NLRC5: variants seen among roughly 807,000 people sequenced by gnomAD.
NLRC5 encodes NLR family CARD domain containing 5.
A neutral mutation model predicts 206.9 loss-of-function variants in NLRC5; 114 were observed. The observed-to-expected ratio is 0.55, with a 90% CI of 0.47 to 0.64. NLRC5 has a LOEUF of 0.64. Ranked by LOEUF, NLRC5 falls within the 30% of genes least tolerant of loss-of-function variation. The pLI is 0.00. For synonymous variants in NLRC5, 952 were observed against 962.8 expected, an observed-to-expected ratio of 0.99 and a Z score of 0.21; for missense variants, 2,008 against 2,305.5, an observed-to-expected ratio of 0.87 and a Z score of 2.64.
rs139249521 is a variant in NLRC5, at chr16:57,061,522, C to A, written c.4061C>A (p.Thr1354Lys). The change falls in exon 31 of 49, where the codon ACG becomes AAG. Residue 1354 changes from threonine to lysine, a missense_variant. By Grantham distance (78) the Thr-to-Lys change is moderately conservative. Transcript: ENST00000688547. ...ATGLSKSLQL[T>K]ELTLTQCCLG... Reference sequence around the variant, plus strand: ...GGCTTGAGCAAGTCCCTGCAGCTGACGGAGCTCACGTGAGTGACCCACCCA... The same window carrying A: ...GGCTTGAGCAAGTCCCTGCAGCTGAAGGAGCTCACGTGAGTGACCCACCCA... 10 of 1,609,798 alleles carry A rather than the reference C, an allele frequency of 6.2e-6. No individual in the cohort carries two copies. The African/African-American group carries it at 1.1e-4, about 17-fold the overall frequency.
At chr16:57,046,816 CT>C (rs2143986355) in intron 22 of NLRC5, among the ~76,000 whole-genome samples, 175 bp downstream of exon 22, 1 of 152,322 alleles carries the variant, frequency 6.6e-6, no homozygotes, top group African/African-American at 2.4e-5. Flanking sequence ...TTGGGGAGCT[CT>C]GGCCCCTGAC....
At chr16:57,073,228 T>G (rs2067988513) in intron 38 of NLRC5, among the ~76,000 whole-genome samples, 1 of 152,232 alleles carries the variant, frequency 6.6e-6, no homozygotes, top group South Asian at 2.1e-4. Context: ...TACCTCCTGC[T>G]GCCTTAGTTG....
chr16:57,057,873 T>C (rs1263629650), intron 27 of NLRC5, among the ~76,000 whole-genome samples, 192 bp from the exon 28 acceptor site: 1 of 151,874 alleles, frequency 6.6e-6, no homozygotes, highest in Non-Finnish European at 1.5e-5. Context: ...ATGGTGGTAA[T>C]ACTGGTGGTG....
intron 1 of NLRC5, among the ~76,000 whole-genome samples, chr16:56,996,142 T>C (rs2057576504): frequency 6.6e-6 from 1 of 152,118 alleles, no homozygotes; most frequent in African/African-American, 2.4e-5. Flanking sequence ...AACAGCATCA[T>C]AGTGTTTTTT....
At chr16:57,040,837 T>C in intron 17 of NLRC5, 119 bp downstream of exon 17, 1 of 949,896 alleles carries the variant, frequency 1.1e-6, no homozygotes, top group Non-Finnish European at 1.7e-6. Flanking sequence ...CCTGACCTGC[T>C]GTGTCCAGGG....
At chr16:57,037,025 T>A (rs1205747123) in intron 14 of NLRC5, among the ~76,000 whole-genome samples, 170 bp from the exon 15 acceptor site, 1 of 152,078 alleles carries the variant, frequency 6.6e-6, no homozygotes, top group Admixed American at 6.6e-5. Context: ...TGTCATGCAT[T>A]TTTTGGCTTA....
chr16:57,059,423 G>A, intron 29 of NLRC5, 44 bp from the exon 30 acceptor site: 1 of 1,573,266 alleles, frequency 6.4e-7, no homozygotes, highest in Non-Finnish European at 8.6e-7. Flanking sequence ...CTAGGAAGCT[G>A]GCATGTCTGG....
intron 3 of NLRC5, among the ~76,000 whole-genome samples, chr16:57,021,524 C>T: frequency 6.6e-6 from 1 of 152,140 alleles, no homozygotes; most frequent in Non-Finnish European, 1.5e-5. Flanking sequence ...GTGCATGCCA[C>T]CACATTAGGC....
chr16:57,079,468 T>C, intron 45 of NLRC5, 78 bp from the exon 46 acceptor site: 2 of 1,396,416 alleles, frequency 1.4e-6, no homozygotes, highest in Non-Finnish European at 2.0e-6. Flanking sequence ...CAGACCCTGG[T>C]GGCTCTGGAG....
Position 57,037,304 on chromosome 16 carries a change from ACGGTACCCATCCCCC to A in NLRC5, c.2801+22_2801+36del, listed in dbSNP as rs767273273. ...CATCAGGTGGGAGCTCCCTCAGACC[ACGGTACCCATCCCCC>A]CCCCCATCATGCTCTCTCTGAAGCC... On this transcript the variant is annotated intron_variant, in intron 15 of 48. Transcript: ENST00000688547. 4.4e-6 allele frequency: 7 copies of A among 1,593,256 alleles called. No homozygotes were observed. Among genetic ancestry groups the A allele is most frequent in the Non-Finnish European group, 6.0e-6 (7 of 1,170,202 alleles).
intron 14 of NLRC5, among the ~76,000 whole-genome samples, chr16:57,036,964 T>C (rs1490224946): frequency 6.6e-6 from 1 of 152,188 alleles, no homozygotes; most frequent in African/African-American, 2.4e-5. Flanking sequence ...GTGAAAACAC[T>C]GAGTTCTTGC....
At chr16:56,990,010 T>G (rs943708871) in intron 1 of NLRC5, among the ~76,000 whole-genome samples, 2 of 152,266 alleles carry the variant, frequency 1.3e-5, no homozygotes, top group African/African-American at 4.8e-5. Context: ...TTACGGAAGT[T>G]ACACTGTTCA....
At chr16:57,049,028 C>T (rs1210061568) in intron 23 of NLRC5, among the ~76,000 whole-genome samples, 2 of 152,038 alleles carry the variant, frequency 1.3e-5, no homozygotes, top group African/African-American at 4.8e-5. Context: ...TTTGGCTTCC[C>T]TGGGCCACAT....
chr16:57,074,857 C>T (rs1306709477), intron 39 of NLRC5, among the ~76,000 whole-genome samples, 174 bp downstream of exon 39: 1 of 152,138 alleles, frequency 6.6e-6, no homozygotes, highest in Non-Finnish European at 1.5e-5. Flanking sequence ...CTTCTAATGC[C>T]ATCAGCTTCC....
Position 57,061,708 on chromosome 16 carries a change from C to T in NLRC5, c.4154+7C>T. On this transcript the variant is annotated splice_region_variant and intron_variant, in intron 32 of 48. Coordinates refer to ENST00000688547, the MANE Select transcript of NLRC5 (RefSeq NM_001384950.1). ...CAGGGCTGTTCAGCCTCAGGTACCT[C>T]CTCCCCCGCTGCCTCCGGGAGGGGC... 1.9e-6 allele frequency: 3 copies of T among 1,599,204 alleles called. No homozygotes were observed. In the South Asian group the frequency reaches 3.3e-5, roughly 18 times the overall value.
chr16:57,026,193 A>G lies in NLRC5; in HGVS notation c.1250A>G (p.His417Arg), dbSNP rs778825749. ...TGCCAAGTCGCCTGTCTCTGCCTCC[A>G]CCATCTGCTTCCTGACCACGCCCCA... ...ALCQVACLCLHHLLPDHAPGQ... is the reference protein window; with the variant it reads ...ALCQVACLCLRHLLPDHAPGQ... The change falls in exon 6 of 49, where the codon CAC (histidine) becomes CGC (arginine). Residue 417 changes from histidine (H) to arginine (R), a missense_variant. By Grantham distance (29) the His-to-Arg change is conservative. Transcript: ENST00000688547. 1 of 1,613,418 alleles carries G rather than the reference A, an allele frequency of 6.2e-7. No homozygotes were observed. The highest frequency in any genetic ancestry group is 8.5e-7 in the Non-Finnish European group (1 of 1,179,952).
At chr16:57,065,328 T>C in intron 33 of NLRC5, 30 bp downstream of exon 33, 1 of 1,456,216 alleles carries the variant, frequency 6.9e-7, no homozygotes, top group Non-Finnish European at 9.3e-7. Context: ...CCCTTTGGAA[T>C]TCTTCATCTT....
At position 57,059,006 on chromosome 16, in the gene NLRC5, C is replaced by A. The variant is rs776634402; in HGVS notation, c.3865C>A (p.Leu1289Met). ...CAACAGCATTTCTCAGGAAAGTGCCCTGTACCTGCTGGAGACACTGCCCTC... is the reference window on the plus strand; with the variant it reads ...CAACAGCATTTCTCAGGAAAGTGCCATGTACCTGCTGGAGACACTGCCCTC... The part of the protein sequence containing the change: ...SHNSISQESA[L>M]YLLETLPSCP... Residue 1289 changes from leucine (L) to methionine (M), a missense_variant, in exon 29 of 49, where the codon CTG becomes ATG. Transcript: ENST00000688547. 2 of 1,614,184 alleles carry A rather than the reference C, an allele frequency of 1.2e-6. No individual in the cohort carries two copies. The highest frequency in any genetic ancestry group is 1.7e-6 in the Non-Finnish European group (2 of 1,180,028).
chr16:57,032,397 G>A (rs916202208), intron 11 of NLRC5, among the ~76,000 whole-genome samples: 1 of 151,926 alleles, frequency 6.6e-6, no homozygotes, highest in African/African-American at 2.4e-5. Context: ...CTCAAAAAAT[G>A]ACCCACTAGG....
Sources: allele counts gnomAD v4.1 joint callset (sites outside exome capture counted in the v4.1 genomes callset), GRCh38; gene constraint gnomAD v4.1.1; transcripts MANE v1.5; gene names NCBI Gene and HGNC (gene_info 2026-07-23, HGNC 2026-07-21).